Variants in ETV6 observed in about 807,000 individuals in gnomAD.
ETV6 encodes transcription factor ETV6.
ETV6 carries 16 observed loss-of-function variants against 51.1 expected under a neutral mutation model. That is an observed-to-expected ratio of 0.31 (90% CI 0.21 to 0.48). The LOEUF is 0.48. Ranked by LOEUF, ETV6 falls within the 20% of genes least tolerant of loss-of-function variation. ETV6 has a pLI of 0.99. For missense variants in ETV6, 458 were observed against 594.8 expected, an observed-to-expected ratio of 0.77 and a Z score of 2.39; for synonymous variants, 240 against 224.1, an observed-to-expected ratio of 1.07 and a Z score of -0.64.
At chr12:11,799,669 A>G (rs994233707) in intron 2 of ETV6, among the ~76,000 whole-genome samples, 3 of 152,212 alleles carry the variant, frequency 2.0e-5, no homozygotes, top group Admixed American at 2.0e-4. Context: ...CCATTACGAA[A>G]TGAAGTCCTC....
At chr12:11,765,922 C>T (rs968368857) in intron 2 of ETV6, among the ~76,000 whole-genome samples, 18 of 152,196 alleles carry the variant, frequency 1.2e-4, no homozygotes, top group Non-Finnish European at 2.5e-4. Flanking sequence ...GGGACAGTCC[C>T]GTGGTGGGTG....
intron 4 of ETV6, among the ~76,000 whole-genome samples, chr12:11,859,782 C>T (rs865944046): frequency 2.6e-5 from 4 of 152,118 alleles, no homozygotes; most frequent in East Asian, 3.9e-4. Context: ...GATTGAAAGA[C>T]GAGTAGCAGT....
At chr12:11,663,622 G>A (rs571881959) in intron 1 of ETV6, among the ~76,000 whole-genome samples, 16 of 152,250 alleles carry the variant, frequency 1.1e-4, no homozygotes, top group Admixed American at 9.2e-4. Flanking sequence ...GGCTATGAAC[G>A]GATTGTTAAA....
At position 11,725,161 on chromosome 12, in the gene ETV6, GTT is replaced by G. The variant is rs34358923; in HGVS notation, c.34-27276_34-27275del. Among the ~76,000 whole-genome samples the G allele has an allele frequency of 8.1e-3, 1,161 of 143,446 alleles. 8 individuals are homozygous for G. The highest frequency in any genetic ancestry group is 0.028 in the African/African-American group (1,101 of 39,142). The allele number at this position is 143,446 out of a possible 152,430, so 94.1% of individuals were successfully genotyped here. A position where few individuals can be genotyped will look rare whatever the true frequency, so the allele number is the denominator to read the frequency against. ...TTAAGACTTATCTTTCTTTTTAGCT[GTT>G]TTTTTTTTTTTTCCACTCAACTTCT... On this transcript the variant is annotated intron_variant, in intron 1 of 7. Coordinates refer to ENST00000396373, the MANE Select transcript of ETV6 (RefSeq NM_001987.5).
At chr12:11,664,494 G>T (rs1237293693) in intron 1 of ETV6, among the ~76,000 whole-genome samples, 1 of 152,062 alleles carries the variant, frequency 6.6e-6, no homozygotes, top group Non-Finnish European at 1.5e-5. Flanking sequence ...CGAACCACAG[G>T]GGAGAACCGC....
In ETV6 at chr12:11,833,748, A is replaced by G. The variant is rs560870880; in HGVS notation, c.164-5392A>G. ...AAGCATTTAGAATGACTCCTGGCAC[A>G]TAGCAATCACTTGCTTACAAGTAAG... On this transcript the variant is annotated intron_variant, in intron 2 of 7. Coordinates refer to ENST00000396373, the MANE Select transcript of ETV6 (RefSeq NM_001987.5). 1.4e-4 allele frequency among the ~76,000 whole-genome samples: 22 copies of G among 152,346 alleles called. No individual in the cohort carries two copies. The South Asian group carries it at 2.5e-3, about 17-fold the overall frequency.
intron 1 of ETV6, among the ~76,000 whole-genome samples, chr12:11,721,840 A>T (rs1428128149): frequency 1.3e-5 from 2 of 152,220 alleles, no homozygotes; most frequent in African/African-American, 4.8e-5. Flanking sequence ...TACGAGAGTA[A>T]AATATTAAGA....
At chr12:11,678,411 A>G (rs1403231358) in intron 1 of ETV6, among the ~76,000 whole-genome samples, 2 of 152,198 alleles carry the variant, frequency 1.3e-5, no homozygotes, top group Non-Finnish European at 2.9e-5. Context: ...GTGGTTGGCA[A>G]TTAGAGGCGC....
intron 1 of ETV6, among the ~76,000 whole-genome samples, chr12:11,662,258 C>CA (rs1456371270): frequency 6.6e-6 from 1 of 152,026 alleles, no homozygotes; most frequent in Non-Finnish European, 1.5e-5. Flanking sequence ...TGGAAAAAAA[C>CA]AAAAAACCTT....
chr12:11,774,031 C>T (rs1209647196), intron 2 of ETV6, among the ~76,000 whole-genome samples: 2 of 151,998 alleles, frequency 1.3e-5, no homozygotes, highest in South Asian at 2.1e-4. Flanking sequence ...CAACTGAGGG[C>T]GGACCTGGAG....
At chr12:11,772,151 T>C (rs886434895) in intron 2 of ETV6, among the ~76,000 whole-genome samples, 4 of 152,236 alleles carry the variant, frequency 2.6e-5, no homozygotes, top group Non-Finnish European at 4.4e-5. Context: ...GTGTGATTCA[T>C]CTCTGTTAAA....
rs1447984258 is a variant in ETV6 at position 11,687,215 on chromosome 12, T to A, written c.33+37055T>A. Among the ~76,000 whole-genome samples the A allele has an allele frequency of 9.6e-5, 14 of 145,408 alleles. No homozygotes were observed. In the East Asian group the frequency reaches 1.9e-3, roughly 20 times the overall value. On this transcript the variant is annotated intron_variant, in intron 1 of 7. Coordinates refer to ENST00000396373, the MANE Select transcript of ETV6 (RefSeq NM_001987.5). ...ACCGCCCCACCTTTTTTCTGTTCTT[T>A]TTTTTTTTTTTTTCAGCTCACTGCA... is the stretch of plus-strand genomic sequence containing the variant.
rs757118909 is a variant in ETV6, at chr12:11,869,736, G to A, written c.776G>A (p.Arg259Gln). 46 of 1,613,572 alleles carry A rather than the reference G, an allele frequency of 2.9e-5. No homozygotes were observed. The highest frequency in any genetic ancestry group is 1.6e-4 in the Middle Eastern group (1 of 6,082). Residue 259 changes from arginine (R) to glutamine (Q), a missense_variant, in exon 5 of 8, where the codon CGG becomes CAG. By Grantham distance (43) the Arg-to-Gln change is conservative (BLOSUM62 1). This residue lies in a region of ETV6 where 293 missense variants were observed against 315.7 expected (regional missense o/e 0.93). Transcript: ENST00000396373. The surrounding 1 kb of genome is among the most constrained non-coding windows in gnomAD (Gnocchi z 5.0). ...TCCCACCCGAAGCCATCCAGCCCCC[G>A]GCAGGAGAGCACACGCGTGATCCAG... ...SESHPKPSSPRQESTRVIQLM... is the reference protein window; with the variant it reads ...SESHPKPSSPQQESTRVIQLM...
intron 3 of ETV6, among the ~76,000 whole-genome samples, chr12:11,844,239 A>G (rs1218875930): frequency 1.3e-5 from 2 of 152,308 alleles, no homozygotes; most frequent in East Asian, 3.9e-4. Flanking sequence ...ACAAGTTATT[A>G]TCAATTTAAT....
chr12:11,880,913 T>C (rs1028257388), intron 5 of ETV6, among the ~76,000 whole-genome samples: 1 of 152,140 alleles, frequency 6.6e-6, no homozygotes, highest in Non-Finnish European at 1.5e-5. Flanking sequence ...CAAACTACTT[T>C]CGTTCGTCCT....
intron 1 of ETV6, among the ~76,000 whole-genome samples, chr12:11,688,422 A>G (rs1864678554): frequency 6.6e-6 from 1 of 152,184 alleles, no homozygotes; most frequent in African/African-American, 2.4e-5. Context: ...TTTCTGCTTC[A>G]GTCTCGTGGC....
Position 11,892,594 on chromosome 12 carries a change from T to A in ETV6, c.*1548T>A, listed in dbSNP as rs1591756556. On this transcript the variant is annotated 3_prime_UTR_variant, in exon 8 of 8. Coordinates refer to ENST00000396373, the MANE Select transcript of ETV6 (RefSeq NM_001987.5). ...ATATTTGGAGTACAATTTCTTTTAA[T>A]CCAGATTACACCTGCCTTACAAAGC... 8.6e-6 allele frequency: 2 copies of A among 232,802 alleles called. No individual in the cohort carries two copies. The highest frequency in any genetic ancestry group is 1.2e-4 in the East Asian group (2 of 16,552). 14.4% of individuals were successfully genotyped at this position (232,802 alleles called of 1,614,324 possible).
intron 2 of ETV6, among the ~76,000 whole-genome samples, chr12:11,768,516 G>A (rs1300857351): frequency 6.6e-6 from 1 of 152,174 alleles, no homozygotes; most frequent in East Asian, 1.9e-4. Context: ...TCCAAAGCCT[G>A]TGTTCTTTAT....
Position 11,878,824 on chromosome 12 carries a change from A to AG in ETV6, c.1010-5617dup, listed in dbSNP as rs761493935. ...GGCTGATCTAGAATAGAGGAGGAGG[A>AG]GGGGAAAAAAAAAAAAAACAAGCAG... On this transcript the variant is annotated intron_variant, in intron 5 of 7. Transcript: ENST00000396373. 6.1e-3 allele frequency among the ~76,000 whole-genome samples: 399 copies of AG among 65,474 alleles called. 4 individuals carry two copies. The highest frequency in any genetic ancestry group is 0.02 in the African/African-American group (382 of 19,484). The allele number at this position is 65,474 out of a possible 152,430, so 43.0% of individuals were successfully genotyped here.
Sources: allele counts gnomAD v4.1 joint callset (sites outside exome capture counted in the v4.1 genomes callset), GRCh38; gene constraint gnomAD v4.1.1; regional missense constraint gnomAD v4.1.1; non-coding constraint Gnocchi (gnomAD v3.1); transcripts MANE v1.5; gene names NCBI Gene and HGNC (gene_info 2026-07-23, HGNC 2026-07-21).